YAF2: variants seen among roughly 807,000 people sequenced by gnomAD.
YAF2 encodes the protein YY1-associated factor 2.
A neutral mutation model predicts 20.1 loss-of-function variants in YAF2; 7 were observed. The ratio of observed to expected loss-of-function variants is 0.35; its 90% CI spans 0.20 to 0.65. The LOEUF (loss-of-function observed/expected upper bound fraction) is 0.65. Among genes scored for constraint, YAF2 ranks in the 30% least tolerant of loss-of-function variants. YAF2 has a pLI of 0.69. For synonymous variants in YAF2, 74 were observed against 76.0 expected (o/e 0.97, Z 0.14); for missense variants, 151 against 219.2 (o/e 0.69, Z 1.96).
intron 2 of YAF2, chr12:42,233,004 T>A (rs1328089896): frequency 2.0e-6 from 2 of 985,304 alleles, no homozygotes; most frequent in African/African-American, 3.5e-5. Context: ...AACTGTAAAA[T>A]TTTAAAGAAA....
At chr12:42,205,085 G>A (rs1436317989) in intron 2 of YAF2, among the ~76,000 whole-genome samples, 1 of 148,096 alleles carries the variant, frequency 6.8e-6, no homozygotes, top group Non-Finnish European at 1.5e-5. Flanking sequence ...ATTCCTCTTG[G>A]GGAAATTTAT....
At chr12:42,184,685 C>T (rs2066426641) in intron 2 of YAF2, among the ~76,000 whole-genome samples, 1 of 152,036 alleles carries the variant, frequency 6.6e-6, no homozygotes, top group East Asian at 1.9e-4. Context: ...GGATGGATCT[C>T]GGCAAAGTAG....
intron 2 of YAF2, among the ~76,000 whole-genome samples, chr12:42,237,229 A>G (rs1448274984): frequency 2.0e-5 from 3 of 152,160 alleles, no homozygotes; most frequent in Non-Finnish European, 4.4e-5. Context: ...CTTTGCTCCT[A>G]AAGAGATTTT....
intron 2 of YAF2, among the ~76,000 whole-genome samples, chr12:42,218,651 C>T (rs958245245): frequency 2.0e-5 from 3 of 152,204 alleles, no homozygotes; most frequent in Middle Eastern, 6.8e-3. Flanking sequence ...GAGATTATGG[C>T]ATTCGGGAAC....
intron 2 of YAF2, among the ~76,000 whole-genome samples, chr12:42,209,563 CAAAAAA>C (rs71084623): frequency 1.1e-4 from 3 of 27,792 alleles, no homozygotes; most frequent in Admixed American, 4.1e-4. Flanking sequence ...GACTTTGTCT[CAAAAAA>C]AAAAAAAAAA....
At chr12:42,161,813 A>G (rs575384998) in intron 2 of YAF2, 48 bp from the exon 3 acceptor site, 33 of 1,521,986 alleles carry the variant, frequency 2.2e-5, no homozygotes, top group East Asian at 9.2e-5. Flanking sequence ...AACTTAAAAC[A>G]TAAGTGCTTT....
At chr12:42,162,006 A>G (rs894155352) in intron 2 of YAF2, among the ~76,000 whole-genome samples, 3 of 152,200 alleles carry the variant, frequency 2.0e-5, no homozygotes, top group East Asian at 3.8e-4. Context: ...ATGCTCAAAC[A>G]TTAGAATACT....
At chr12:42,179,489 G>A (rs1331977380) in intron 2 of YAF2, among the ~76,000 whole-genome samples, 1 of 152,164 alleles carries the variant, frequency 6.6e-6, no homozygotes, top group Admixed American at 6.5e-5. Flanking sequence ...AATGTGCAAT[G>A]AGAGTTGGGA....
chr12:42,234,407 A>T (rs955729465), intron 2 of YAF2: 2 of 984,990 alleles, frequency 2.0e-6, no homozygotes, highest in Middle Eastern at 5.2e-4. Context: ...CCTGTTGGGT[A>T]TAACGTTCAC....
chr12:42,227,301 T>G, intron 2 of YAF2, among the ~76,000 whole-genome samples: 1 of 64,798 alleles, frequency 1.5e-5, no homozygotes, highest in East Asian at 7.1e-4. Flanking sequence ...TGGCCGCCCA[T>G]CGTCTGCGAC....
intron 2 of YAF2, among the ~76,000 whole-genome samples, chr12:42,218,843 A>C (rs2067434932): frequency 6.6e-6 from 1 of 152,146 alleles, no homozygotes; most frequent in Non-Finnish European, 1.5e-5. Flanking sequence ...AAAAAAAACA[A>C]ATGTGTCTAA....
At chr12:42,187,182 C>T (rs1032538875) in intron 2 of YAF2, among the ~76,000 whole-genome samples, 4 of 151,896 alleles carry the variant, frequency 2.6e-5, no homozygotes, top group South Asian at 2.1e-4. Flanking sequence ...TGACCAACAG[C>T]GTTTTGCTGT....
chr12:42,189,906 G>A lies in YAF2; in HGVS notation c.153-28141C>T, dbSNP rs117527912. Among the ~76,000 whole-genome samples, 1,069 of 152,220 alleles carry A rather than the reference G, an allele frequency of 7.0e-3. 40 individuals carry two copies. The East Asian group carries it at 0.085, about 12-fold the overall frequency. On this transcript the variant is annotated intron_variant, in intron 2 of 3. Coordinates refer to ENST00000534854, the MANE Select transcript of YAF2 (RefSeq NM_005748.6). ...CAGCACAAGAAAACAGGTCAATAGCGTATGTATTCACTACAGCATATACTT... is the reference window on the plus strand; with the variant it reads ...CAGCACAAGAAAACAGGTCAATAGCATATGTATTCACTACAGCATATACTT...
intron 2 of YAF2, among the ~76,000 whole-genome samples, chr12:42,193,132 T>C (rs2066658394): frequency 6.6e-6 from 1 of 152,002 alleles, no homozygotes; most frequent in Admixed American, 6.5e-5. Context: ...CTGGCCAACA[T>C]GGTGAAACCC....
chr12:42,228,361 G>A lies in YAF2; in HGVS notation c.152+9238C>T, dbSNP rs1364593215. Among the ~76,000 whole-genome samples, 11 of 60,572 alleles carry A rather than the reference G, an allele frequency of 1.8e-4. 1 individual carries two copies. The highest frequency in any genetic ancestry group is 4.4e-4 in the Admixed American group (3 of 6,810). 39.7% of individuals were successfully genotyped at this position (60,572 alleles called of 152,430 possible). On this transcript the variant is annotated intron_variant, in intron 2 of 3. Coordinates refer to ENST00000534854, the MANE Select transcript of YAF2 (RefSeq NM_005748.6). ...CGGGAGGTGAGGGGCGCCTCTGCCC[G>A]GCCGCCCCTACTGGGAAGTGAGGAG...
chr12:42,227,671 C>G (rs1181544115), intron 2 of YAF2, among the ~76,000 whole-genome samples: 2 of 146,586 alleles, frequency 1.4e-5, no homozygotes, highest in South Asian at 2.2e-4. Context: ...AGTGAGGAGC[C>G]TCTCCGCCCG....
chr12:42,237,460 G>C (rs1163291156), intron 2 of YAF2, 139 bp downstream of exon 2: 1 of 1,354,484 alleles, frequency 7.4e-7, no homozygotes, highest in African/African-American at 1.5e-5. Context: ...ATGTGACCCA[G>C]TTCCTATCGC....
chr12:42,226,580 C>T (rs1041529215), intron 2 of YAF2, among the ~76,000 whole-genome samples: 4 of 152,148 alleles, frequency 2.6e-5, no homozygotes, highest in African/African-American at 7.2e-5. Flanking sequence ...GGGGGGACCA[C>T]TTCAACCTGG....
chr12:42,238,202 C>T lies in YAF2; in HGVS notation c.-22G>A, dbSNP rs760794588. On this transcript the variant is annotated 5_prime_UTR_variant, in exon 1 of 4. Coordinates refer to ENST00000534854, the MANE Select transcript of YAF2 (RefSeq NM_005748.6). ...CCATGGCTTGGCTATCACCGCACGC[C>T]GAGAGTCGCCGCCGCGACCGCTCTG... 2 of 1,481,062 alleles carry T rather than the reference C, an allele frequency of 1.4e-6. No homozygotes were observed. Among genetic ancestry groups the T allele is most frequent in the Non-Finnish European group, 1.8e-6 (2 of 1,106,934 alleles). 91.7% of individuals were successfully genotyped at this position (1,481,062 alleles called of 1,614,324 possible). A position where few individuals can be genotyped will look rare whatever the true frequency, so the allele number is the denominator to read the frequency against.
Sources: gnomAD v4.1 joint callset for allele counts (sites outside exome capture counted in the v4.1 genomes callset) on GRCh38, gnomAD v4.1.1 for gene constraint, MANE v1.5 for transcripts, NCBI Gene and HGNC (gene_info 2026-07-23, HGNC 2026-07-21) for gene names.